BAIAP2L2: variants seen among roughly 807,000 people sequenced by gnomAD.
BAIAP2L2 encodes BAR/IMD domain-containing adapter protein 2-like 2.
In BAIAP2L2, 65 loss-of-function variants were observed where a neutral mutation model predicts 60.4. The ratio of observed to expected loss-of-function variants is 1.08; its 90% CI spans 0.88 to 1.32. BAIAP2L2 has a LOEUF of 1.32. BAIAP2L2 is among the 40% of genes most tolerant of loss of function. The pLI, the probability that BAIAP2L2 is intolerant of heterozygous loss-of-function variation, is 0.00. For synonymous variants in BAIAP2L2, 344 were observed against 301.7 expected (o/e 1.14, Z -1.45); for missense variants, 836 against 741.2 (o/e 1.13, Z -1.48).
rs948134487 is a variant in BAIAP2L2, at chr22:38,108,353, A to G, written c.128-12T>C. ...CGCCTCGGACAGAGCTGTGGACCAG[A>G]AGGGACAGGTCTGGTCCAGCCCTGC... On this transcript the variant is annotated splice_polypyrimidine_tract_variant and intron_variant, in intron 2 of 13. Coordinates refer to ENST00000381669, the MANE Select transcript of BAIAP2L2 (RefSeq NM_025045.6). 1 of 1,609,150 alleles carries G rather than the reference A, an allele frequency of 6.2e-7. No homozygotes were observed. The highest frequency in any genetic ancestry group is 1.3e-5 in the African/African-American group (1 of 74,984).
chr22:38,104,304 C>G (rs1167147739), intron 4 of BAIAP2L2, among the ~76,000 whole-genome samples: 1 of 152,120 alleles, frequency 6.6e-6, no homozygotes, highest in Non-Finnish European at 1.5e-5. Context: ...AGTAGCCCCT[C>G]TGGTCTTGCC....
At chr22:38,109,046 G>A (rs2086730953) in intron 2 of BAIAP2L2, 87 bp downstream of exon 2, 2 of 1,136,526 alleles carry the variant, frequency 1.8e-6, no homozygotes, top group South Asian at 1.3e-5. Context: ...GAACAGGTGT[G>A]GGATGCAGAG....
intron 3 of BAIAP2L2, 88 bp from the exon 4 acceptor site, chr22:38,108,001 G>T (rs954688998): frequency 7.1e-7 from 1 of 1,413,560 alleles, no homozygotes; most frequent in Non-Finnish European, 9.9e-7. Flanking sequence ...CCAACAGAGG[G>T]CCTGCCCGAG....
chr22:38,091,352 A>G (rs1439195121), intron 7 of BAIAP2L2: 4 of 152,204 alleles, frequency 2.6e-5, no homozygotes, highest in African/African-American at 9.7e-5. Flanking sequence ...CACTGCACCC[A>G]GTCACATGTC....
intron 4 of BAIAP2L2, among the ~76,000 whole-genome samples, chr22:38,103,238 T>G (rs1331521652): frequency 1.3e-5 from 2 of 151,700 alleles, no homozygotes; most frequent in African/African-American, 4.8e-5. Context: ...AATAAATAAA[T>G]AAGATGAATT....
In BAIAP2L2 at chr22:38,098,025, GCCCTTCCTGGCCCACCCC is replaced by G; in HGVS notation, c.465+20_465+37del. On this transcript the variant is annotated intron_variant, in intron 6 of 13. Coordinates refer to ENST00000381669, the MANE Select transcript of BAIAP2L2 (RefSeq NM_025045.6). ...GTCTCGCCCCGAGGTCTGCCCACCC[GCCCTTCCTGGCCCACCCC>G]CGCTTCCCGGCCCTCGCACCTTCAT... 1 of 647,928 alleles carries G rather than the reference GCCCTTCCTGGCCCACCCC, an allele frequency of 1.5e-6. No individual in the cohort carries two copies. The highest frequency in any genetic ancestry group is 2.7e-6 in the Non-Finnish European group (1 of 366,272). The allele number at this position is 647,928 out of a possible 1,614,324, so 40.1% of individuals were successfully genotyped here.
intron 4 of BAIAP2L2, 55 bp downstream of exon 4, chr22:38,107,796 GA>G: frequency 6.5e-7 from 1 of 1,546,292 alleles, no homozygotes; most frequent in East Asian, 2.2e-5. Context: ...CCTCTCCTTG[GA>G]ACATAGCCCA....
At chr22:38,086,639 CAG>C (rs71648083) in intron 11 of BAIAP2L2, among the ~76,000 whole-genome samples, 190 bp from the exon 12 acceptor site, 10,613 of 152,038 alleles carry the variant, frequency 0.07, 479 homozygotes, top group African/African-American at 0.13. Context: ...ACCTTCAGGG[CAG>C]AGAGAGGGGC....
chr22:38,086,764 G>C (rs1211576651), intron 11 of BAIAP2L2, among the ~76,000 whole-genome samples: 4 of 152,136 alleles, frequency 2.6e-5, no homozygotes, highest in African/African-American at 9.7e-5. Flanking sequence ...GGGAGACCGA[G>C]GTGGGTGGAT....
chr22:38,110,515 T>C lies in BAIAP2L2; in HGVS notation c.11A>G (p.Glu4Gly). The C allele has an allele frequency of 1.9e-6, 3 of 1,611,082 alleles. No individual in the cohort carries two copies. Among genetic ancestry groups the C allele is most frequent in the Non-Finnish European group, 2.5e-6 (3 of 1,178,620 alleles). The stretch of plus-strand genomic sequence containing the variant: ...GGTGGACCTGTAGAACTGGTCCATC[T>C]CGGGGGCCATGGAGGGGCTGTCCCG... MAP[E>G]MDQFYRSTMA... The change falls in exon 1 of 14, where the codon GAG becomes GGG. Residue 4 changes from glutamate (E) to glycine (G), a missense_variant. Coordinates refer to ENST00000381669, the MANE Select transcript of BAIAP2L2 (RefSeq NM_025045.6).
chr22:38,105,669 G>C (rs555458689), intron 4 of BAIAP2L2, among the ~76,000 whole-genome samples: 1 of 151,970 alleles, frequency 6.6e-6, no homozygotes, highest in East Asian at 1.9e-4. Flanking sequence ...GTGTCACCTC[G>C]TCTGTTAAAA....
chr22:38,088,739 C>G lies in BAIAP2L2; in HGVS notation c.1118+9G>C, dbSNP rs987623777. 2.5e-6 allele frequency: 4 copies of G among 1,584,700 alleles called. No homozygotes were observed. In the Admixed American group the frequency reaches 6.8e-5, roughly 27 times the overall value. On this transcript the variant is annotated intron_variant, in intron 10 of 13. Coordinates refer to ENST00000381669, the MANE Select transcript of BAIAP2L2 (RefSeq NM_025045.6). ...ACCCACCCCCGGCCCCTCCAAGGCT[C>G]CCACTCACGCGGACGAGCCCTCCAG... is the stretch of plus-strand genomic sequence containing the variant.
At position 38,098,239 on chromosome 22, in the gene BAIAP2L2, C is replaced by T. The variant is rs146914325; in HGVS notation, c.349-60G>A. 982 of 1,565,624 alleles carry T rather than the reference C, an allele frequency of 6.3e-4. 2 individuals carry two copies. The highest frequency in any genetic ancestry group is 8.2e-4 in the Non-Finnish European group (933 of 1,137,384). The stretch of plus-strand genomic sequence containing the variant: ...CCCACATCAGAGAGCTCAAGACACC[C>T]CTCCCAGAGATCAGGGCCCTGGAAG... On this transcript the variant is annotated intron_variant, in intron 5 of 13. Transcript: ENST00000381669.
At position 38,087,263 on chromosome 22, in the gene BAIAP2L2, T is replaced by C. The variant is rs561392868; in HGVS notation, c.1120A>G (p.Ser374Gly). The change falls in exon 11 of 14, where the codon AGC becomes GGC. Residue 374 changes from serine to glycine, a missense_variant and splice_region_variant. Coordinates refer to ENST00000381669, the MANE Select transcript of BAIAP2L2 (RefSeq NM_025045.6). Reference sequence around the variant, plus strand: ...ACGTACGCCTCGGGGAACCAACCGCTCCTGTGGGGTAGAGGCAGAGGACAA... The same window carrying C: ...ACGTACGCCTCGGGGAACCAACCGCCCCTGTGGGGTAGAGGCAGAGGACAA... ...LYGKLEGSSA[S>G]GWFPEAYVKA... is the part of the protein sequence containing the mutation. The C allele has an allele frequency of 1.5e-4, 238 of 1,602,040 alleles. 2 individuals are homozygous for C. In the South Asian group the frequency reaches 2.6e-3, roughly 18 times the overall value.
At chr22:38,094,960 TGG>T (rs1319369279) in intron 7 of BAIAP2L2, among the ~76,000 whole-genome samples, 3 of 152,088 alleles carry the variant, frequency 2.0e-5, no homozygotes, top group Non-Finnish European at 2.9e-5. Context: ...GAGACCACCC[TGG>T]CCAACATGGT....
chr22:38,097,458 C>A (rs1257683351), intron 6 of BAIAP2L2, among the ~76,000 whole-genome samples: 1 of 152,172 alleles, frequency 6.6e-6, no homozygotes, highest in Non-Finnish European at 1.5e-5. Flanking sequence ...CAAGCCCAAG[C>A]ACGGGCTGGG....
intron 10 of BAIAP2L2, 24 bp from the exon 11 acceptor site, chr22:38,087,288 A>G (rs369327986): frequency 3.8e-6 from 6 of 1,588,202 alleles, no homozygotes; most frequent in African/African-American, 1.4e-5. Context: ...GCAGAGGACA[A>G]TGACCAAAAG....
intron 4 of BAIAP2L2, among the ~76,000 whole-genome samples, chr22:38,106,343 AC>A (rs1374964392): frequency 6.6e-6 from 1 of 151,842 alleles, no homozygotes; most frequent in Non-Finnish European, 1.5e-5. Flanking sequence ...ACATGGTGAA[AC>A]CCCGTCTCTG....
intron 9 of BAIAP2L2, 51 bp downstream of exon 9, chr22:38,089,045 A>AC (rs1390019233): frequency 4.3e-6 from 6 of 1,394,220 alleles, no homozygotes; most frequent in Non-Finnish European, 5.6e-6. Flanking sequence ...CTGCAGCCCC[A>AC]CCCCCGCGCC....
Sources: gnomAD v4.1 joint callset for allele counts (sites outside exome capture counted in the v4.1 genomes callset) on GRCh38, gnomAD v4.1.1 for gene constraint, MANE v1.5 for transcripts, NCBI Gene and HGNC (gene_info 2026-07-23, HGNC 2026-07-21) for gene names.